Variants in PMEPA1 observed in about 807,000 individuals in gnomAD.
The protein encoded by PMEPA1 is prostate transmembrane protein, androgen induced 1, also known as protein TMEPAI.
Under a neutral mutation model 23.0 loss-of-function variants are expected in PMEPA1, and 11 were observed. The observed-to-expected ratio is 0.48, with a 90% confidence interval of 0.30 to 0.79. The LOEUF (loss-of-function observed/expected upper bound fraction) is 0.79, where lower values mean the gene tolerates loss of function less well. PMEPA1 is among the 30% of genes least tolerant of loss of function. The probability of loss-of-function intolerance (pLI) is 0.06; values close to 1 mark genes in which losing one functional copy is unlikely to be tolerated. For synonymous variants in PMEPA1, 204 were observed against 166.4 expected, an observed-to-expected ratio of 1.23 and a Z score of -1.74; for missense variants, 377 against 390.9, an observed-to-expected ratio of 0.96 and a Z score of 0.30.
intron 1 of PMEPA1, among the ~76,000 whole-genome samples, chr20:57,664,100 A>G (rs888655854): frequency 2.4e-4 from 37 of 152,182 alleles, no homozygotes; most frequent in Non-Finnish European, 4.9e-4. Flanking sequence ...CCTGCTGGCG[A>G]GGTCGGTCGC....
Position 57,652,278 on chromosome 20 carries a change from G to A in PMEPA1, c.639C>T (p.Gly213=), listed in dbSNP as rs746291636. ...CGCTGCCGTAGCACGTGGCGCTGAT[G>A]CCCGAGTTACTGCTGGGGGGGCAGG... ...GGPCPPSSNS[G]ISATCYGSGG... The change falls in exon 4 of 4, where the codon GGC becomes GGT. Residue 213 remains glycine (G), a synonymous_variant. Coordinates refer to ENST00000341744, the MANE Select transcript of PMEPA1 (RefSeq NM_020182.5). The surrounding 1 kb of genome is among the most constrained non-coding windows in gnomAD (Gnocchi z 6.1). The A allele has an allele frequency of 7.5e-6, 12 of 1,609,158 alleles. No individual in the cohort carries two copies. The highest frequency in any genetic ancestry group is 9.3e-6 in the Non-Finnish European group (11 of 1,179,580).
At position 57,682,918 on chromosome 20, in the gene PMEPA1, G is replaced by A. The variant is rs1025133134; in HGVS notation, c.110-23221C>T. Among the ~76,000 whole-genome samples the A allele has an allele frequency of 1.3e-5, 2 of 152,166 alleles. No individual in the cohort carries two copies. The highest frequency in any genetic ancestry group is 4.8e-5 in the African/African-American group (2 of 41,448). On this transcript the variant is annotated intron_variant, in intron 1 of 3. Coordinates refer to ENST00000341744, the MANE Select transcript of PMEPA1 (RefSeq NM_020182.5). This position sits in a 1 kb window ranked among gnomAD's most constrained non-coding sequence, Gnocchi z 4.4. ...TTGCCTGACAAATGAGCAGCAGCTC[G>A]CCTCCTAAATAAGGCAGCACACCAA... is the stretch of plus-strand genomic sequence containing the variant.
chr20:57,653,134 G>A (rs970119595), intron 2 of PMEPA1, 48 bp from the exon 3 acceptor site: 1 of 1,457,738 alleles, frequency 6.9e-7, no homozygotes, highest in Non-Finnish European at 9.4e-7. Flanking sequence ...TGGGCAGGAG[G>A]GACAGCAAAG....
At chr20:57,708,692 GAC>G (rs770763981) in intron 1 of PMEPA1, among the ~76,000 whole-genome samples, 7 of 152,178 alleles carry the variant, frequency 4.6e-5, no homozygotes, top group East Asian at 1.9e-4. Context: ...CTGGCACAAT[GAC>G]ACACACACAT....
chr20:57,672,500 A>G (rs2071582179), intron 1 of PMEPA1, among the ~76,000 whole-genome samples: 1 of 152,242 alleles, frequency 6.6e-6, no homozygotes. Flanking sequence ...GCCTCATTCA[A>G]TCCCCGGGGC....
chr20:57,660,041 G>C (rs921169573), intron 1 of PMEPA1, among the ~76,000 whole-genome samples: 2 of 152,188 alleles, frequency 1.3e-5, no homozygotes, highest in Admixed American at 6.5e-5. Flanking sequence ...TCCTGGAGCC[G>C]TTCTGCAGAT....
rs1568957276 is a variant in PMEPA1 at position 57,651,040 on chromosome 20, A to T, written c.*1013T>A. 6.6e-6 allele frequency: 1 copy of T among 152,348 alleles called. No individual in the cohort carries two copies. Among genetic ancestry groups the T allele is most frequent in the South Asian group, 2.1e-4 (1 of 4,828 alleles). 9.4% of individuals were successfully genotyped at this position (152,348 alleles called of 1,614,324 possible). On this transcript the variant is annotated 3_prime_UTR_variant, in exon 4 of 4. Transcript: ENST00000341744. ...CCACGGGGACCTTCACAGTTGGAAA[A>T]AAGAAGAGGAAAAACTAATTCCTTC... is the stretch of plus-strand genomic sequence containing the variant.
At position 57,683,712 on chromosome 20, in the gene PMEPA1, A is replaced by AC. The variant is rs574500230; in HGVS notation, c.110-24016dup. Among the ~76,000 whole-genome samples the AC allele has an allele frequency of 8.8e-4, 133 of 151,958 alleles. No homozygotes were observed. The highest frequency in any genetic ancestry group is 2.7e-3 in the Admixed American group (41 of 15,282). On this transcript the variant is annotated intron_variant, in intron 1 of 3. Coordinates refer to ENST00000341744, the MANE Select transcript of PMEPA1 (RefSeq NM_020182.5). The surrounding 1 kb of genome is among the most constrained non-coding windows in gnomAD (Gnocchi z 4.3). ...AACTTGAAATATTACAAGCACAGTC[A>AC]CCCCACTTCCCCACTCCGCGGGGAA... is the stretch of plus-strand genomic sequence containing the variant.
At chr20:57,707,377 G>T (rs1281800972) in intron 1 of PMEPA1, among the ~76,000 whole-genome samples, 1 of 152,208 alleles carries the variant, frequency 6.6e-6, no homozygotes, top group East Asian at 1.9e-4. Flanking sequence ...AAGACTGGTT[G>T]GTTCCCTCCG....
chr20:57,711,020 T>C (rs2072174334), upstream of PMEPA1: 1 of 152,198 alleles, frequency 6.6e-6, no homozygotes, highest in African/African-American at 2.4e-5. Context: ...CGAATATTAC[T>C]CTCCCCATTT....
At chr20:57,696,600 C>T (rs527270859) in intron 1 of PMEPA1, among the ~76,000 whole-genome samples, 1 of 152,188 alleles carries the variant, frequency 6.6e-6, no homozygotes, top group South Asian at 2.1e-4. Context: ...TTCAAAAAGC[C>T]GCGACGTCAC....
chr20:57,689,864 T>C (rs189803209), intron 1 of PMEPA1, among the ~76,000 whole-genome samples: 2 of 152,310 alleles, frequency 1.3e-5, no homozygotes, highest in African/African-American at 4.8e-5. Flanking sequence ...CAAAGTCTGA[T>C]TCAGCAGCTC....
At position 57,652,016 on chromosome 20, in the gene PMEPA1, T is replaced by G. The variant is rs1350650911; in HGVS notation, c.*37A>C. On this transcript the variant is annotated 3_prime_UTR_variant, in exon 4 of 4. Transcript: ENST00000341744. This position sits in a 1 kb window ranked among gnomAD's most constrained non-coding sequence, Gnocchi z 6.1. ...AAGAAGCGCGGAGTGTTCTGCCTTT[T>G]CACCTACGCAGCCCCAGCCCGGCCC... is the stretch of plus-strand genomic sequence containing the variant. 8 of 1,442,840 alleles carry G rather than the reference T, an allele frequency of 5.5e-6. No homozygotes were observed. The highest frequency in any genetic ancestry group is 7.3e-6 in the Non-Finnish European group (8 of 1,091,086). The allele number at this position is 1,442,840 out of a possible 1,614,324, so 89.4% of individuals were successfully genotyped here.
At chr20:57,675,549 C>T (rs531693792) in intron 1 of PMEPA1, among the ~76,000 whole-genome samples, 12 of 150,914 alleles carry the variant, frequency 8.0e-5, no homozygotes, top group African/African-American at 2.0e-4. Flanking sequence ...GGCCCACAGG[C>T]GGGGCATTCC....
chr20:57,676,024 C>T (rs1337356114), intron 1 of PMEPA1, among the ~76,000 whole-genome samples: 1 of 152,280 alleles, frequency 6.6e-6, no homozygotes, highest in Non-Finnish European at 1.5e-5. Flanking sequence ...CCTTTCGAAG[C>T]AGCATCTTCC....
At chr20:57,674,590 C>A (rs2071611576) in intron 1 of PMEPA1, among the ~76,000 whole-genome samples, 1 of 152,232 alleles carries the variant, frequency 6.6e-6, no homozygotes, top group Non-Finnish European at 1.5e-5. Context: ...CCCAGCTACA[C>A]CCCTTTGGGA....
intron 1 of PMEPA1, among the ~76,000 whole-genome samples, chr20:57,677,254 T>C (rs1250342957): frequency 6.6e-6 from 1 of 152,214 alleles, no homozygotes; most frequent in Non-Finnish European, 1.5e-5. Context: ...CTTCCTTGTC[T>C]GTACCATGGA....
chr20:57,696,743 C>G (rs2071947371), intron 1 of PMEPA1, among the ~76,000 whole-genome samples: 1 of 152,220 alleles, frequency 6.6e-6, no homozygotes, highest in South Asian at 2.1e-4. Flanking sequence ...CGCTCTGAGT[C>G]TATTCTGGGA....
At chr20:57,662,221 T>C (rs988210325) in intron 1 of PMEPA1, among the ~76,000 whole-genome samples, 1 of 152,184 alleles carries the variant, frequency 6.6e-6, no homozygotes, top group Admixed American at 6.5e-5. Context: ...CCAGGGGCTG[T>C]GGTAACCGTC....
Sources: allele counts gnomAD v4.1 joint callset (sites outside exome capture counted in the v4.1 genomes callset), GRCh38; gene constraint gnomAD v4.1.1; non-coding constraint Gnocchi (gnomAD v3.1); transcripts MANE v1.5; gene names NCBI Gene and HGNC (gene_info 2026-07-23, HGNC 2026-07-21).